Variants in LGSN observed in about 807,000 individuals in gnomAD.
The protein encoded by LGSN is lengsin, lens protein with glutamine synthetase domain, also known as lengsin.
A neutral mutation model predicts 19.5 loss-of-function variants in LGSN; 21 were observed. That is an observed-to-expected ratio of 1.07 (90% CI 0.76 to 1.55). The LOEUF is 1.55. Among genes scored for constraint, LGSN ranks in the 40% most tolerant of loss-of-function variants. LGSN has a pLI of 0.00. For synonymous variants in LGSN, 257 were observed against 215.6 expected (o/e 1.19, Z -1.68); for missense variants, 673 against 608.5 (o/e 1.11, Z -1.12).
the LGSN span, among the ~76,000 whole-genome samples, chr6:63,369,028 T>A: frequency 6.6e-6 from 1 of 152,202 alleles, no homozygotes; most frequent in Non-Finnish European, 1.5e-5. Flanking sequence ...TTTGTCTCTA[T>A]AAATGTTGAG....
At chr6:63,284,724 T>A (rs1404580179) in intron 3 of LGSN, among the ~76,000 whole-genome samples, 4 of 152,176 alleles carry the variant, frequency 2.6e-5, no homozygotes, top group Non-Finnish European at 5.9e-5. Context: ...CTTGCCTGAA[T>A]GACAAGGAAA....
chr6:63,506,952 A>G, the LGSN span, among the ~76,000 whole-genome samples: 422 of 152,298 alleles, frequency 2.8e-3, 2 homozygotes, highest in African/African-American at 9.8e-3. Flanking sequence ...ATCCCAGGGA[A>G]GCAGGAGTGA....
the LGSN span, among the ~76,000 whole-genome samples, chr6:63,527,099 A>G: frequency 2.0e-5 from 3 of 152,060 alleles, no homozygotes; most frequent in African/African-American, 7.2e-5. Context: ...CTTATTGAAT[A>G]TACAAATACC....
the LGSN span, among the ~76,000 whole-genome samples, chr6:63,556,228 C>G: frequency 5.3e-5 from 8 of 151,966 alleles, no homozygotes; most frequent in African/African-American, 1.9e-4. Context: ...GCCACAATCA[C>G]AGCTCACTGC....
At chr6:63,471,483 T>G in the LGSN span, among the ~76,000 whole-genome samples, 12 of 151,754 alleles carry the variant, frequency 7.9e-5, no homozygotes, top group Admixed American at 3.3e-4. Flanking sequence ...CTGGCCAACA[T>G]GGTGAAACCC....
the LGSN span, among the ~76,000 whole-genome samples, chr6:63,434,266 C>A: frequency 6.6e-6 from 1 of 151,654 alleles, no homozygotes; most frequent in South Asian, 2.1e-4. Flanking sequence ...TGGTGAAACT[C>A]CGTCCCTACT....
the LGSN span, among the ~76,000 whole-genome samples, chr6:63,502,607 A>G: frequency 1.3e-5 from 2 of 152,330 alleles, no homozygotes; most frequent in African/African-American, 2.4e-5. Context: ...TGTGACAAGC[A>G]ATTAGGTCTT....
At chr6:63,564,831 A>G in the LGSN span, among the ~76,000 whole-genome samples, 1 of 152,138 alleles carries the variant, frequency 6.6e-6, no homozygotes, top group African/African-American at 2.4e-5. Flanking sequence ...AATTTCACCA[A>G]ATTTGCTAAA....
At chr6:63,427,232 T>TG in the LGSN span, among the ~76,000 whole-genome samples, 1 of 151,546 alleles carries the variant, frequency 6.6e-6, no homozygotes, top group African/African-American at 2.4e-5. Flanking sequence ...TTAGTAGAGA[T>TG]GGGGTTACAC....
At chr6:63,405,285 T>C in the LGSN span, among the ~76,000 whole-genome samples, 2 of 152,194 alleles carry the variant, frequency 1.3e-5, no homozygotes, top group African/African-American at 4.8e-5. Flanking sequence ...TGTGTCTTTA[T>C]AGCAGCATGA....
chr6:63,447,810 T>C, the LGSN span, among the ~76,000 whole-genome samples: 1 of 152,180 alleles, frequency 6.6e-6, no homozygotes, highest in Admixed American at 6.6e-5. Context: ...AAACTCCCTA[T>C]TTGAGTTAGT....
chr6:63,371,510 T>C, the LGSN span, among the ~76,000 whole-genome samples: 1 of 152,176 alleles, frequency 6.6e-6, no homozygotes, highest in African/African-American at 2.4e-5. Context: ...AAATAAAAAA[T>C]GAATGTAATC....
At chr6:63,520,574 T>A in the LGSN span, among the ~76,000 whole-genome samples, 1 of 151,840 alleles carries the variant, frequency 6.6e-6, no homozygotes, top group African/African-American at 2.4e-5. Flanking sequence ...GAGGTTGCAG[T>A]GAGCCAAGAT....
the LGSN span, among the ~76,000 whole-genome samples, chr6:63,412,415 G>GA: frequency 0.036 from 3,896 of 107,506 alleles, 228 homozygotes; most frequent in African/African-American, 0.1. Flanking sequence ...AAGAAAGAAA[G>GA]AAGAAAGAAA....
At chr6:63,416,524 G>T in the LGSN span, among the ~76,000 whole-genome samples, 5 of 152,032 alleles carry the variant, frequency 3.3e-5, no homozygotes, top group South Asian at 4.1e-4. Context: ...AAATAGAGTG[G>T]TTTATGTATT....
chr6:63,504,959 A>AT, the LGSN span, among the ~76,000 whole-genome samples: 1 of 152,184 alleles, frequency 6.6e-6, no homozygotes, highest in Non-Finnish European at 1.5e-5. Context: ...TTTGTCACAC[A>AT]TTCTTTTGAG....
At chr6:63,475,831 G>A in the LGSN span, among the ~76,000 whole-genome samples, 12 of 152,240 alleles carry the variant, frequency 7.9e-5, no homozygotes, top group Admixed American at 1.3e-4. Context: ...ATGCCAGCAG[G>A]TCATGCTCAG....
chr6:63,534,339 AAGTT>A, the LGSN span, among the ~76,000 whole-genome samples: 2 of 152,096 alleles, frequency 1.3e-5, no homozygotes, highest in African/African-American at 4.8e-5. Flanking sequence ...GGTTCACTCT[AAGTT>A]AGGAGCAATG....
chr6:63,506,076 G>A, the LGSN span, among the ~76,000 whole-genome samples: 1 of 152,214 alleles, frequency 6.6e-6, no homozygotes, highest in Non-Finnish European at 1.5e-5. Context: ...TAGAGTGGAA[G>A]AAATACTTTG....
Sources: gnomAD v4.1 joint callset for allele counts (sites outside exome capture counted in the v4.1 genomes callset) on GRCh38, gnomAD v4.1.1 for gene constraint, MANE v1.5 for transcripts, NCBI Gene and HGNC (gene_info 2026-07-23, HGNC 2026-07-21) for gene names.